The following CRACD variants were observed in gnomAD, a reference collection of about 807,000 sequenced individuals.
The protein encoded by CRACD is capping protein-inhibiting regulator of actin dynamics.
In CRACD, 56 loss-of-function variants were observed where a neutral mutation model predicts 106.8. That is an observed-to-expected ratio of 0.52 (90% CI 0.42 to 0.66). The LOEUF (loss-of-function observed/expected upper bound fraction) is 0.66, where lower values mean the gene tolerates loss of function less well. Ranked by LOEUF, CRACD falls within the 30% of genes least tolerant of loss-of-function variation. The pLI is 0.00. For missense variants in CRACD, 1,730 were observed against 1,623.2 expected (o/e 1.07, Z -1.13); for synonymous variants, 754 against 670.8 (o/e 1.12, Z -1.92).
chr4:56,205,518 T>G (rs1028288707), intron 2 of CRACD, among the ~76,000 whole-genome samples: 1 of 148,784 alleles, frequency 6.7e-6, no homozygotes, highest in Non-Finnish European at 1.5e-5. Context: ...CGGTTAAATG[T>G]TTTTTTTTTG....
At chr4:56,281,322 C>T (rs1178053702) in intron 3 of CRACD, among the ~76,000 whole-genome samples, 1 of 152,144 alleles carries the variant, frequency 6.6e-6, no homozygotes, top group African/African-American at 2.4e-5. Flanking sequence ...TGAGGTGGAA[C>T]AGTTTCATCC....
At chr4:56,121,045 G>A (rs986147588) in intron 1 of CRACD, among the ~76,000 whole-genome samples, 1 of 152,046 alleles carries the variant, frequency 6.6e-6, no homozygotes, top group African/African-American at 2.4e-5. Flanking sequence ...AAAGACAGTG[G>A]TATACCTAGA....
intron 2 of CRACD, among the ~76,000 whole-genome samples, chr4:56,185,605 C>A (rs1015459412): frequency 6.6e-6 from 1 of 152,174 alleles, no homozygotes; most frequent in South Asian, 2.1e-4. Context: ...AAAAAGAAAA[C>A]CCCTTCAGAA....
intron 1 of CRACD, among the ~76,000 whole-genome samples, chr4:56,173,339 A>G (rs1210497912): frequency 6.6e-6 from 1 of 152,210 alleles, no homozygotes; most frequent in Non-Finnish European, 1.5e-5. Flanking sequence ...TCATTCTTGA[A>G]TTACAAATTG....
chr4:56,146,883 G>T (rs1420611109), intron 1 of CRACD, among the ~76,000 whole-genome samples: 2 of 152,090 alleles, frequency 1.3e-5, no homozygotes, highest in Non-Finnish European at 2.9e-5. Context: ...AGCTTTTATT[G>T]GTCAAATGCT....
rs1231101889 is a variant in CRACD at position 56,320,776 on chromosome 4, G to C, written c.3188-2601G>C. The C allele has an allele frequency of 2.0e-5, 3 of 153,738 alleles. No individual in the cohort carries two copies. The East Asian group carries it at 5.8e-4, about 30-fold the overall frequency. 9.5% of individuals were successfully genotyped at this position (153,738 alleles called of 1,614,324 possible). On this transcript the variant is annotated intron_variant, in intron 8 of 10. Coordinates refer to ENST00000682029, the MANE Select transcript of CRACD (RefSeq NM_001393381.1). ...TTCTGAATATATACTCTTTGGTATG[G>C]GTGACTTCGCCATCTTGGGTGCCTC...
At chr4:56,299,626 C>T (rs1744249246) in intron 4 of CRACD, among the ~76,000 whole-genome samples, 2 of 151,250 alleles carry the variant, frequency 1.3e-5, no homozygotes, top group Admixed American at 6.6e-5. Flanking sequence ...ACTGAGATTG[C>T]ACCACTGCAT....
chr4:56,124,196 C>T (rs180864243), intron 1 of CRACD, among the ~76,000 whole-genome samples: 1 of 152,294 alleles, frequency 6.6e-6, no homozygotes, highest in East Asian at 1.9e-4. Context: ...CCTCAGCCTC[C>T]CAAAGTGCTG....
intron 2 of CRACD, among the ~76,000 whole-genome samples, chr4:56,222,463 C>T (rs560016254): frequency 1.6e-4 from 24 of 152,170 alleles, no homozygotes; most frequent in African/African-American, 5.8e-4. Context: ...GTAAGAGGTG[C>T]ACTGAAATCT....
chr4:56,086,797 G>A (rs1011561569), intron 1 of CRACD, among the ~76,000 whole-genome samples: 8 of 152,088 alleles, frequency 5.3e-5, no homozygotes, highest in African/African-American at 1.9e-4. Flanking sequence ...TCAATGCCAC[G>A]TGGTCTTATG....
chr4:56,160,906 T>C (rs1347133753), intron 1 of CRACD, among the ~76,000 whole-genome samples: 1 of 152,244 alleles, frequency 6.6e-6, no homozygotes, highest in African/African-American at 2.4e-5. Context: ...CTTGTGCGTG[T>C]TTCCTCAGTA....
chr4:56,182,170 G>A (rs112754710), intron 2 of CRACD, among the ~76,000 whole-genome samples: 1 of 151,868 alleles, frequency 6.6e-6, no homozygotes, highest in Non-Finnish European at 1.5e-5. Flanking sequence ...CACTTGAGCC[G>A]AAGAGTTCGA....
At chr4:56,132,069 A>G (rs1484530023) in intron 1 of CRACD, among the ~76,000 whole-genome samples, 3 of 152,148 alleles carry the variant, frequency 2.0e-5, no homozygotes, top group African/African-American at 7.2e-5. Flanking sequence ...TTATTTTTAG[A>G]CAGGGCCTTG....
intron 2 of CRACD, among the ~76,000 whole-genome samples, chr4:56,202,527 G>T (rs1328748040): frequency 6.6e-6 from 1 of 152,162 alleles, no homozygotes; most frequent in East Asian, 1.9e-4. Flanking sequence ...GATTACAGGT[G>T]TGAGCCACCG....
At chr4:56,257,526 GAA>G (rs533700935) in intron 2 of CRACD, among the ~76,000 whole-genome samples, 143 of 123,002 alleles carry the variant, frequency 1.2e-3, no homozygotes, top group South Asian at 3.3e-3. Context: ...TGTCTCTACA[GAA>G]AAAAAAAAAA....
chr4:56,084,460 AT>A (rs1733148424), intron 1 of CRACD, among the ~76,000 whole-genome samples: 1 of 152,190 alleles, frequency 6.6e-6, no homozygotes, highest in Non-Finnish European at 1.5e-5. Flanking sequence ...TCTAAAATCT[AT>A]TTTAATATAA....
intron 1 of CRACD, among the ~76,000 whole-genome samples, chr4:56,062,289 TATAATC>T (rs1414536093): frequency 1.3e-5 from 2 of 152,330 alleles, no homozygotes; most frequent in East Asian, 3.9e-4. Flanking sequence ...TTCTACCTCT[TATAATC>T]ATAACAGTGT....
chr4:56,064,648 A>G (rs575496404), intron 1 of CRACD, among the ~76,000 whole-genome samples: 36 of 152,190 alleles, frequency 2.4e-4, no homozygotes, highest in African/African-American at 7.9e-4. Flanking sequence ...CCTTTTCATT[A>G]TGAATATCCT....
chr4:56,271,505 A>G (rs1448260550), intron 2 of CRACD, among the ~76,000 whole-genome samples: 3 of 152,166 alleles, frequency 2.0e-5, no homozygotes, highest in Non-Finnish European at 4.4e-5. Flanking sequence ...TATCTTCTGT[A>G]TCTAATAAAG....
Sources: gnomAD v4.1 joint callset for allele counts (sites outside exome capture counted in the v4.1 genomes callset) on GRCh38, gnomAD v4.1.1 for gene constraint, MANE v1.5 for transcripts, NCBI Gene and HGNC (gene_info 2026-07-23, HGNC 2026-07-21) for gene names.